The following SYNPO2 variants were observed in gnomAD, a reference collection of about 807,000 sequenced individuals.
SYNPO2 encodes the protein synaptopodin-2.
In SYNPO2, 56 loss-of-function variants were observed where a neutral mutation model predicts 85.0. That is an observed-to-expected ratio of 0.66 (90% CI 0.53 to 0.82). The LOEUF is 0.82. Ranked by LOEUF, SYNPO2 falls within the 40% of genes least tolerant of loss-of-function variation. The pLI is 0.00. For synonymous variants in SYNPO2, 602 were observed against 591.1 expected (o/e 1.02, Z -0.27); for missense variants, 1,575 against 1,534.2 (o/e 1.03, Z -0.44).
intron 4 of SYNPO2, chr4:119,042,110 A>G (rs1738735036): frequency 6.6e-6 from 1 of 152,166 alleles, no homozygotes; most frequent in Non-Finnish European, 1.5e-5. Context: ...GCGCTGAAGC[A>G]CTCATCTTGC....
intron 1 of SYNPO2, among the ~76,000 whole-genome samples, chr4:118,943,858 C>G (rs1734407958): frequency 6.6e-6 from 1 of 152,152 alleles, no homozygotes; most frequent in African/African-American, 2.4e-5. Flanking sequence ...GTGTACCTCT[C>G]AAGGTGACTG....
At position 119,027,234 on chromosome 4, in the gene SYNPO2, G is replaced by A. The variant is rs756133104; in HGVS notation, c.865G>A (p.Asp289Asn). The change falls in exon 3 of 5, where the codon GAC (aspartate) becomes AAC (asparagine). Residue 289 changes from aspartate to asparagine, a missense_variant. Physicochemically the swap from Asp to Asn is conservative, Grantham distance 23. Transcript: ENST00000307142. ...ACTGCCCCGGGTGGAAGTGATCCTC[G>A]ACTGCTCTGACAGGCAGAAGACAGA... ...AGLPRVEVIL[D>N]CSDRQKTEGC... is the part of the protein sequence containing the mutation. The A allele has an allele frequency of 3.1e-6, 5 of 1,614,106 alleles. No individual in the cohort carries two copies. The South Asian group carries it at 3.3e-5, about 11-fold the overall frequency.
intron 1 of SYNPO2, among the ~76,000 whole-genome samples, chr4:118,892,530 T>C (rs1003086303): frequency 5.9e-5 from 9 of 152,174 alleles, no homozygotes; most frequent in African/African-American, 2.2e-4. Context: ...TTTTGGGACA[T>C]GTACTTATCT....
intron 1 of SYNPO2, among the ~76,000 whole-genome samples, chr4:119,018,582 A>G (rs1737602710): frequency 6.6e-6 from 1 of 152,062 alleles, no homozygotes; most frequent in Non-Finnish European, 1.5e-5. Context: ...CCCTTTCTCC[A>G]CATCCTTGCC....
intron 1 of SYNPO2, among the ~76,000 whole-genome samples, chr4:118,871,562 T>C (rs1435967320): frequency 1.5e-5 from 2 of 134,946 alleles, no homozygotes; most frequent in Non-Finnish European, 3.1e-5. Context: ...ATGCCTGAAA[T>C]AAATAACAAT....
intron 1 of SYNPO2, among the ~76,000 whole-genome samples, chr4:118,961,162 T>C (rs1334040373): frequency 7.8e-6 from 1 of 128,414 alleles, no homozygotes; most frequent in Non-Finnish European, 1.5e-5. Context: ...TGCTTGTCAC[T>C]ACTAGGGAGA....
intron 1 of SYNPO2, among the ~76,000 whole-genome samples, chr4:118,931,780 G>A (rs1733940695): frequency 6.6e-6 from 1 of 152,114 alleles, no homozygotes; most frequent in Admixed American, 6.6e-5. Context: ...GAGCTCTTTG[G>A]TTGGGATTGC....
intron 1 of SYNPO2, among the ~76,000 whole-genome samples, chr4:118,881,017 T>G (rs554590662): frequency 6.6e-6 from 1 of 151,256 alleles, no homozygotes; most frequent in South Asian, 2.1e-4. Flanking sequence ...ACGAAGAGGT[T>G]AAGGGCCGAA....
intron 1 of SYNPO2, among the ~76,000 whole-genome samples, chr4:118,993,556 C>G (rs6846002): frequency 1.3e-5 from 2 of 151,984 alleles, no homozygotes; most frequent in Admixed American, 6.6e-5. Flanking sequence ...GTGTAAGCCA[C>G]AGCAATGTCC....
intron 1 of SYNPO2, among the ~76,000 whole-genome samples, chr4:118,932,214 C>T (rs1733956311): frequency 6.6e-6 from 1 of 152,020 alleles, no homozygotes; most frequent in Non-Finnish European, 1.5e-5. Flanking sequence ...CCAGGATGTT[C>T]AAAAATAGAT....
At chr4:119,007,250 A>ATATG (rs1737088533) in intron 1 of SYNPO2, among the ~76,000 whole-genome samples, 1 of 26,016 alleles carries the variant, frequency 3.8e-5, no homozygotes, top group African/African-American at 1.2e-4. Context: ...ATATATGTAT[A>ATATG]TACATATATA....
chr4:118,880,466 G>C (rs111925164), intron 1 of SYNPO2, among the ~76,000 whole-genome samples: 3,835 of 152,218 alleles, frequency 0.025, 68 homozygotes, highest in African/African-American at 0.04. Context: ...ATCATAGAAG[G>C]TGGCTGGGCA....
chr4:118,890,253 G>T (rs748024004), intron 1 of SYNPO2, among the ~76,000 whole-genome samples: 1 of 150,490 alleles, frequency 6.6e-6, no homozygotes, highest in Non-Finnish European at 1.5e-5. Flanking sequence ...AAATCCTTTC[G>T]TAATGTGATG....
chr4:118,887,307 G>A (rs1732219258), upstream of SYNPO2, among the ~76,000 whole-genome samples: 1 of 152,132 alleles, frequency 6.6e-6, no homozygotes, highest in South Asian at 2.1e-4. Flanking sequence ...ATGGGAATAA[G>A]TGGGTTGGAG....
intron 1 of SYNPO2, among the ~76,000 whole-genome samples, chr4:118,987,478 T>C (rs528331392): frequency 6.6e-6 from 1 of 152,256 alleles, no homozygotes. Context: ...GAGATCAGCA[T>C]GGGCAACACA....
chr4:118,976,202 C>T (rs555788302), intron 1 of SYNPO2, among the ~76,000 whole-genome samples: 15 of 151,986 alleles, frequency 9.9e-5, no homozygotes, highest in South Asian at 4.2e-4. Flanking sequence ...CAGATGTGTT[C>T]GGAGTTTTTT....
chr4:118,982,821 A>G (rs1240505290), intron 1 of SYNPO2, among the ~76,000 whole-genome samples: 1 of 152,206 alleles, frequency 6.6e-6, no homozygotes. Flanking sequence ...CACAGAAAGA[A>G]CACGATAGTT....
chr4:119,051,443 G>A (rs558037853), intron 4 of SYNPO2, among the ~76,000 whole-genome samples: 143 of 151,578 alleles, frequency 9.4e-4, no homozygotes, highest in Middle Eastern at 3.4e-3. Flanking sequence ...CGCCCGCCTC[G>A]GCCTCCCAAA....
chr4:118,881,007 A>T (rs923239467), intron 1 of SYNPO2, among the ~76,000 whole-genome samples: 1 of 151,936 alleles, frequency 6.6e-6, no homozygotes, highest in Admixed American at 6.6e-5. Context: ...GTGTTCCTAT[A>T]CGAAGAGGTT....
Sources: allele counts gnomAD v4.1 joint callset (sites outside exome capture counted in the v4.1 genomes callset), GRCh38; gene constraint gnomAD v4.1.1; transcripts MANE v1.5; gene names NCBI Gene and HGNC (gene_info 2026-07-23, HGNC 2026-07-21).